ENPP2: variants seen among roughly 807,000 people sequenced by gnomAD.
The protein encoded by ENPP2 is autotaxin.
A neutral mutation model predicts 120.2 loss-of-function variants in ENPP2; 51 were observed. The ratio of observed to expected loss-of-function variants is 0.42; its 90% CI spans 0.34 to 0.54. ENPP2 has a LOEUF of 0.54. ENPP2 is among the 20% of genes least tolerant of loss of function. The pLI, the probability that ENPP2 is intolerant of heterozygous loss-of-function variation, is 0.04. For missense variants in ENPP2, 920 were observed against 1,066.5 expected (o/e 0.86, Z 1.91); for synonymous variants, 365 against 366.4 (o/e 1.00, Z 0.04).
At chr8:119,655,617 T>C (rs1374100033) in intron 1 of ENPP2, among the ~76,000 whole-genome samples, 1 of 152,206 alleles carries the variant, frequency 6.6e-6, no homozygotes, top group Admixed American at 6.5e-5. Context: ...GTAGCACTAA[T>C]TGCTAATAAT....
At chr8:119,641,693 T>C (rs1166543902), upstream of ENPP2, among the ~76,000 whole-genome samples, 1 of 152,238 alleles carries the variant, frequency 6.6e-6, no homozygotes, top group Non-Finnish European at 1.5e-5. Context: ...TTTAAAATGC[T>C]GATGTTTATG....
chr8:119,660,910 A>G (rs574300289), intron 1 of ENPP2, among the ~76,000 whole-genome samples: 1 of 152,364 alleles, frequency 6.6e-6, no homozygotes, highest in African/African-American at 2.4e-5. Flanking sequence ...GAAACCTTCA[A>G]CAGAGTGAGA....
intron 2 of ENPP2, among the ~76,000 whole-genome samples, chr8:119,630,130 C>A (rs1172446429): frequency 6.6e-6 from 1 of 150,476 alleles, no homozygotes; most frequent in Non-Finnish European, 1.5e-5. Context: ...TTTTTTGAGA[C>A]GGAGTTTTGC....
At chr8:119,661,843 C>T (rs1427472545) in intron 1 of ENPP2, among the ~76,000 whole-genome samples, 1 of 152,032 alleles carries the variant, frequency 6.6e-6, no homozygotes, top group Non-Finnish European at 1.5e-5. Context: ...CAGCCTTAAA[C>T]AAGAATGACA....
intron 5 of ENPP2, chr8:119,618,499 G>T: frequency 5.5e-6 from 2 of 361,354 alleles, no homozygotes; most frequent in South Asian, 4.3e-5. Flanking sequence ...TTGGTTGCTG[G>T]TGCTATAAAG....
At chr8:119,589,582 A>G (rs941897916) in intron 13 of ENPP2, among the ~76,000 whole-genome samples, 1 of 152,208 alleles carries the variant, frequency 6.6e-6, no homozygotes, top group African/African-American at 2.4e-5. Flanking sequence ...AAAAGGGAGG[A>G]CACAGGGACA....
chr8:119,661,403 A>G (rs1406997434), intron 1 of ENPP2, among the ~76,000 whole-genome samples: 1 of 152,222 alleles, frequency 6.6e-6, no homozygotes, highest in Non-Finnish European at 1.5e-5. Flanking sequence ...CAACAGGTAC[A>G]GGAAAGCTGC....
intron 15 of ENPP2, among the ~76,000 whole-genome samples, chr8:119,585,482 G>A (rs1189735969): frequency 6.6e-6 from 1 of 152,136 alleles, no homozygotes. Flanking sequence ...TGTGGCAGTT[G>A]TTCAATTATT....
chr8:119,563,237 T>C (rs1404083117), intron 23 of ENPP2, among the ~76,000 whole-genome samples: 1 of 152,080 alleles, frequency 6.6e-6, no homozygotes, highest in Admixed American at 6.6e-5. Flanking sequence ...AGAAAGATAT[T>C]CCAGGCAAAG....
Position 119,557,509 on chromosome 8 carries a change from A to T in ENPP2, c.*12T>A, listed in dbSNP as rs1813558496. 1 of 1,605,818 alleles carries T rather than the reference A, an allele frequency of 6.2e-7. No individual in the cohort carries two copies. The highest frequency in any genetic ancestry group is 1.7e-5 in the Admixed American group (1 of 59,354). ...ACCAGTTGATAAGACTGTACTGCAG[A>T]TGCTCAGAAAGTTAAATCTCGCTCT... On this transcript the variant is annotated 3_prime_UTR_variant, in exon 25 of 25. Coordinates refer to ENST00000075322, the MANE Select transcript of ENPP2 (RefSeq NM_001040092.3).
chr8:119,618,203 T>G, intron 5 of ENPP2: 1 of 421,740 alleles, frequency 2.4e-6, no homozygotes, highest in South Asian at 1.7e-5. Flanking sequence ...GGCTGCCCTT[T>G]CTGCCTTGTT....
intron 12 of ENPP2, among the ~76,000 whole-genome samples, chr8:119,592,753 C>G (rs1054195337): frequency 6.6e-6 from 1 of 151,088 alleles, no homozygotes; most frequent in Admixed American, 6.6e-5. Context: ...TCCACTAAGC[C>G]GAATGCATGG....
intron 2 of ENPP2, among the ~76,000 whole-genome samples, chr8:119,634,869 A>T (rs1271681837): frequency 6.6e-6 from 1 of 152,202 alleles, no homozygotes; most frequent in Admixed American, 6.5e-5. Context: ...TTTCAGATAG[A>T]TGAAAAATCA....
intron 8 of ENPP2, among the ~76,000 whole-genome samples, chr8:119,615,205 C>T (rs143601493): frequency 1.2e-3 from 188 of 152,190 alleles, no homozygotes; most frequent in African/African-American, 4.4e-3. Context: ...AGTCATGCCA[C>T]GGTTGAGTGC....
rs1816300504 is a variant in ENPP2, at chr8:119,626,662, T to C, written c.195A>G (p.Glu65=). 1.9e-6 allele frequency: 3 copies of C among 1,614,062 alleles called. No homozygotes were observed. Among genetic ancestry groups the C allele is most frequent in the Non-Finnish European group, 2.5e-6 (3 of 1,179,944 alleles). The change falls in exon 3 of 25, where the codon GAA becomes GAG. Residue 65 remains glutamate (E), a synonymous_variant. Transcript: ENST00000075322. ...ISGSCKGRCF[E]LQEAGPPDCR... is the part of the protein sequence containing the mutation. ...AATCAGGAGGTCCAGCCTCTTGAAG[T>C]TCAAAGCACCTGCCCTTGCAAGATC...
rs774400225 is a variant in ENPP2, at chr8:119,607,998, G to A, written c.778-21C>T. On this transcript the variant is annotated intron_variant, in intron 8 of 24. Coordinates refer to ENST00000075322, the MANE Select transcript of ENPP2 (RefSeq NM_001040092.3). ...CATAGCTAATGAGGAAAATATAAGC[G>A]GCTTAAAATGTGTTCTGTGTTTTTG... 5.8e-5 allele frequency: 90 copies of A among 1,565,050 alleles called. 1 individual carries two copies. The highest frequency in any genetic ancestry group is 1.1e-4 in the African/African-American group (8 of 73,026).
At chr8:119,647,204 C>T (rs1386003918) in intron 1 of ENPP2, among the ~76,000 whole-genome samples, 4 of 152,016 alleles carry the variant, frequency 2.6e-5, no homozygotes, top group East Asian at 1.9e-4. Flanking sequence ...ACCATCTTGG[C>T]CAGGCTGGTC....
At chr8:119,581,052 A>G (rs1361603877) in intron 18 of ENPP2, 1 of 152,044 alleles carries the variant, frequency 6.6e-6, no homozygotes, top group Non-Finnish European at 1.5e-5. Context: ...GGATCAGCTG[A>G]GTCAGGAGTT....
chr8:119,559,552 T>C (rs1266231750), intron 24 of ENPP2, among the ~76,000 whole-genome samples: 1 of 152,238 alleles, frequency 6.6e-6, no homozygotes, highest in Non-Finnish European at 1.5e-5. Flanking sequence ...CATTAGGAAA[T>C]ACTAGCTATG....
Sources: allele counts gnomAD v4.1 joint callset (sites outside exome capture counted in the v4.1 genomes callset), GRCh38; gene constraint gnomAD v4.1.1; transcripts MANE v1.5; gene names NCBI Gene and HGNC (gene_info 2026-07-23, HGNC 2026-07-21).